EXOSC7: variants seen among roughly 807,000 people sequenced by gnomAD.
EXOSC7 encodes the protein exosome component 7.
In EXOSC7, 25 loss-of-function variants were observed where a neutral mutation model predicts 34.3. The ratio of observed to expected loss-of-function variants is 0.73; its 90% CI spans 0.53 to 1.02. EXOSC7 has a LOEUF of 1.02. Ranked by LOEUF, EXOSC7 falls within the 50% of genes least tolerant of loss-of-function variation. The probability of loss-of-function intolerance (pLI) is 0.00; values close to 1 mark genes in which losing one functional copy is unlikely to be tolerated. For synonymous variants in EXOSC7, 130 were observed against 143.0 expected (o/e 0.91, Z 0.65); for missense variants, 370 against 368.5 (o/e 1.00, Z -0.03).
chr3:44,977,498 T>G (rs1706116605), intron 1 of EXOSC7: 1 of 152,248 alleles, frequency 6.6e-6, no homozygotes. Context: ...AATGCCAATA[T>G]TTAGCATATT....
intron 1 of EXOSC7, among the ~76,000 whole-genome samples, chr3:44,986,568 G>A (rs1436466703): frequency 1.3e-5 from 2 of 152,226 alleles, no homozygotes; most frequent in Non-Finnish European, 2.9e-5. Context: ...GGGCTGAAGG[G>A]CTCCTCAAGT....
At chr3:44,991,408 G>T (rs371792551) in intron 3 of EXOSC7, among the ~76,000 whole-genome samples, 45 of 152,314 alleles carry the variant, frequency 3.0e-4, no homozygotes, top group African/African-American at 1.1e-3. Flanking sequence ...GCCTCTGGTG[G>T]CCTTGATCTG....
chr3:45,006,830 C>G (rs1245421974), intron 6 of EXOSC7, among the ~76,000 whole-genome samples: 1 of 143,524 alleles, frequency 7.0e-6, no homozygotes. Context: ...CTCAAGCAAC[C>G]CTTCCACCTC....
chr3:44,976,399 C>T (rs1443097272), intron 1 of EXOSC7, 65 bp downstream of exon 1: 2 of 1,442,662 alleles, frequency 1.4e-6, no homozygotes, highest in Non-Finnish European at 1.9e-6. Flanking sequence ...TCGCGGCCTG[C>T]CCTGGGTTTG....
Position 44,989,113 on chromosome 3 carries a change from T to C in EXOSC7, c.58-27T>C, listed in dbSNP as rs376280854. 44 of 1,519,152 alleles carry C rather than the reference T, an allele frequency of 2.9e-5. No individual in the cohort carries two copies. In the African/African-American group the frequency reaches 3.4e-4, roughly 12 times the overall value. 94.1% of individuals were successfully genotyped at this position (1,519,152 alleles called of 1,614,324 possible). On this transcript the variant is annotated intron_variant, in intron 1 of 7. Transcript: ENST00000265564. ...GGAGTTATTGTTGATCTGGGGTGAC[T>C]ATAGGACTGTGGTTGTTAACACCTA...
chr3:45,011,379 T>C lies in EXOSC7; in HGVS notation c.*40T>C, dbSNP rs755755861. 2.7e-5 allele frequency: 35 copies of C among 1,318,086 alleles called. No homozygotes were observed. The highest frequency in any genetic ancestry group is 3.4e-5 in the Non-Finnish European group (32 of 928,936). 81.6% of individuals were successfully genotyped at this position (1,318,086 alleles called of 1,614,324 possible). A position where few individuals can be genotyped will look rare whatever the true frequency, so the allele number is the denominator to read the frequency against. Reference sequence around the variant, plus strand: ...GCTCAACTGTGGATTGTTTTTTACTTTTCCTTTTAAACCGGTTCGTATATA... The same window carrying C: ...GCTCAACTGTGGATTGTTTTTTACTCTTCCTTTTAAACCGGTTCGTATATA... On this transcript the variant is annotated 3_prime_UTR_variant, in exon 8 of 8. Transcript: ENST00000265564.
intron 7 of EXOSC7, among the ~76,000 whole-genome samples, chr3:45,008,069 A>C (rs1707104849): frequency 6.6e-6 from 1 of 152,158 alleles, no homozygotes; most frequent in African/African-American, 2.4e-5. Flanking sequence ...AATCTGACCC[A>C]CTGGAGTTGG....
chr3:44,980,815 T>A (rs756404011), intron 1 of EXOSC7, among the ~76,000 whole-genome samples: 2 of 152,256 alleles, frequency 1.3e-5, no homozygotes, highest in African/African-American at 2.4e-5. Flanking sequence ...TTTTCCCACA[T>A]TGAGTATAAG....
chr3:44,978,322 A>G (rs1036179854), intron 1 of EXOSC7, among the ~76,000 whole-genome samples: 2 of 152,180 alleles, frequency 1.3e-5, no homozygotes, highest in Admixed American at 6.6e-5. Flanking sequence ...TAATAAATAA[A>G]AAGAATTCCA....
chr3:45,011,330 C>A lies in EXOSC7; in HGVS notation c.867C>A (p.Phe289Leu). 1 of 1,607,418 alleles carries A rather than the reference C, an allele frequency of 6.2e-7. No homozygotes were observed. The highest frequency in any genetic ancestry group is 8.5e-7 in the Non-Finnish European group (1 of 1,174,934). Residue 289 changes from phenylalanine to leucine, a missense_variant, in exon 8 of 8, where the codon TTC (phenylalanine) becomes TTA (leucine). Phe to Leu is a conservative substitution (Grantham distance 22). This residue lies in a region of EXOSC7 where 255 missense variants were observed against 246.4 expected (regional missense o/e 1.03). Coordinates refer to ENST00000265564, the MANE Select transcript of EXOSC7 (RefSeq NM_015004.4). ...GGCCCAAGAGACAGAAAGTTGGATT[C>A]CTGGGATGATTTGCACATCAACTGC... ...SLGPKRQKVG[F>L]LG
chr3:44,991,732 G>C (rs754989352), intron 3 of EXOSC7, among the ~76,000 whole-genome samples: 8 of 152,146 alleles, frequency 5.3e-5, no homozygotes, highest in Non-Finnish European at 1.0e-4. Flanking sequence ...CCAAGATCTG[G>C]CTTCTAGAAG....
At chr3:45,008,019 T>C (rs1707103584) in intron 7 of EXOSC7, among the ~76,000 whole-genome samples, 1 of 152,114 alleles carries the variant, frequency 6.6e-6, no homozygotes, top group Non-Finnish European at 1.5e-5. Flanking sequence ...TCGTTACAGC[T>C]CTAGAAGTGT....
At chr3:45,011,172 T>C in intron 7 of EXOSC7, 63 bp from the exon 8 acceptor site, 1 of 918,116 alleles carries the variant, frequency 1.1e-6, no homozygotes, top group Non-Finnish European at 1.6e-6. Flanking sequence ...AGGAATGCTT[T>C]TCTGGTCAGA....
intron 1 of EXOSC7, among the ~76,000 whole-genome samples, chr3:44,977,833 C>T (rs1706145160): frequency 1.3e-5 from 2 of 152,342 alleles, no homozygotes; most frequent in South Asian, 4.1e-4. Flanking sequence ...CCTATTTTCT[C>T]TCAACATTTC....
In EXOSC7 at chr3:44,989,559, G is replaced by C; in HGVS notation, c.169G>C (p.Asp57His). 6.2e-7 allele frequency: 1 copy of C among 1,613,994 alleles called. No individual in the cohort carries two copies. The highest frequency in any genetic ancestry group is 8.5e-7 in the Non-Finnish European group (1 of 1,179,856). Residue 57 changes from aspartate (D) to histidine (H), a missense_variant, in exon 3 of 8, where the codon GAC becomes CAC. This residue lies in a region of EXOSC7 where 95 missense variants were observed against 79.8 expected (regional missense o/e 1.19). Transcript: ENST00000265564. Reference protein sequence around the residue: ...GSARVKLGHTDILVGVKAEMG... With the variant: ...GSARVKLGHTHILVGVKAEMG... ...TTGCATGTGTCTGCAGGGTCACACA[G>C]ACATCTTGGTGGGAGTGAAAGCAGA... is the stretch of plus-strand genomic sequence containing the variant.
chr3:44,989,311 G>T (rs1013253404), intron 2 of EXOSC7, 70 bp downstream of exon 2: 2 of 1,203,404 alleles, frequency 1.7e-6, no homozygotes, highest in East Asian at 2.4e-5. Flanking sequence ...AGCTGCTGAC[G>T]CTGTCTGGCT....
intron 1 of EXOSC7, among the ~76,000 whole-genome samples, chr3:44,982,002 GCTGT>G (rs1376729349): frequency 2.0e-5 from 3 of 152,178 alleles, no homozygotes; most frequent in African/African-American, 4.8e-5. Flanking sequence ...GGCCTGTGTG[GCTGT>G]CTGTCTTTAT....
intron 1 of EXOSC7, chr3:44,977,466 C>T (rs1366554929): frequency 6.6e-6 from 1 of 152,216 alleles, no homozygotes; most frequent in Non-Finnish European, 1.5e-5. Context: ...CCGTTATCTT[C>T]TGGGCCCTTT....
chr3:44,997,497 A>G (rs1706754465), intron 4 of EXOSC7, among the ~76,000 whole-genome samples: 1 of 152,210 alleles, frequency 6.6e-6, no homozygotes, highest in South Asian at 2.1e-4. Context: ...AGCACCTAAA[A>G]TTGCCCATAA....
Sources: gnomAD v4.1 joint callset for allele counts (sites outside exome capture counted in the v4.1 genomes callset) on GRCh38, gnomAD v4.1.1 for gene constraint, gnomAD v4.1.1 regional missense constraint, MANE v1.5 for transcripts, NCBI Gene and HGNC (gene_info 2026-07-23, HGNC 2026-07-21) for gene names.